The following INPP4A variants were observed in gnomAD, a reference collection of about 807,000 sequenced individuals.
INPP4A encodes inositol polyphosphate-4-phosphatase type I A.
In INPP4A, 33 loss-of-function variants were observed where a neutral mutation model predicts 119.8. The observed-to-expected ratio is 0.28, with a 90% confidence interval of 0.21 to 0.37. The LOEUF (loss-of-function observed/expected upper bound fraction) is 0.37, where lower values mean the gene tolerates loss of function less well. Among genes scored for constraint, INPP4A ranks in the 10% least tolerant of loss-of-function variants. The pLI is 1.00. For synonymous variants in INPP4A, 496 were observed against 500.7 expected, an observed-to-expected ratio of 0.99 and a Z score of 0.12; for missense variants, 956 against 1,289.9, an observed-to-expected ratio of 0.74 and a Z score of 3.97.
intron 24 of INPP4A, 25 bp downstream of exon 24, chr2:98,577,168 G>C: frequency 6.5e-7 from 1 of 1,550,344 alleles, no homozygotes; most frequent in Non-Finnish European, 8.7e-7. Flanking sequence ...CAGGCCGCGC[G>C]CCCCGCCTGC....
chr2:98,452,841 C>T (rs1695466129), intron 1 of INPP4A, among the ~76,000 whole-genome samples: 2 of 152,178 alleles, frequency 1.3e-5, no homozygotes, highest in African/African-American at 4.8e-5. Flanking sequence ...GCTGAAGAGT[C>T]CCAAAGAGCT....
chr2:98,445,852 G>A (rs1694095055), intron 1 of INPP4A, among the ~76,000 whole-genome samples: 1 of 152,246 alleles, frequency 6.6e-6, no homozygotes, highest in Non-Finnish European at 1.5e-5. Flanking sequence ...CTCTGGGTAA[G>A]AAAGACCTAT....
In INPP4A at chr2:98,566,065, G is replaced by C. The variant is rs778102364; in HGVS notation, c.2316G>C (p.Pro772=). The part of the protein sequence containing the change: ...GFNVRVPLPG[P]LFDALPREIQ... ...ACGTGCGGGTCCCTCTGCCGGGCCCGCTGTTTGACGCCTTGCCCCGGGAGA... is the reference window on the plus strand; with the variant it reads ...ACGTGCGGGTCCCTCTGCCGGGCCCCCTGTTTGACGCCTTGCCCCGGGAGA... The change falls in exon 21 of 25, where the codon CCG becomes CCC. Residue 772 remains proline (P), a synonymous_variant. Coordinates refer to ENST00000409851, the MANE Select transcript of INPP4A (RefSeq NM_001134225.2). This position sits in a 1 kb window ranked among gnomAD's most constrained non-coding sequence, Gnocchi z 4.2. The C allele has an allele frequency of 2.5e-6, 4 of 1,603,402 alleles. No homozygotes were observed. Among genetic ancestry groups the C allele is most frequent in the Non-Finnish European group, 3.4e-6 (4 of 1,175,440 alleles).
chr2:98,548,370 G>C (rs1001492839), intron 13 of INPP4A, among the ~76,000 whole-genome samples: 6 of 152,020 alleles, frequency 3.9e-5, no homozygotes, highest in Non-Finnish European at 8.8e-5. Context: ...GGAAGAAGAC[G>C]CAGCTTCCTG....
chr2:98,571,503 G>C (rs1391063540), intron 22 of INPP4A, among the ~76,000 whole-genome samples: 1 of 152,250 alleles, frequency 6.6e-6, no homozygotes, highest in Non-Finnish European at 1.5e-5. Context: ...AGGGCAGGCA[G>C]TCTCCAGGGC....
chr2:98,459,812 A>G (rs980050491), intron 1 of INPP4A, among the ~76,000 whole-genome samples: 7 of 152,250 alleles, frequency 4.6e-5, no homozygotes, highest in Non-Finnish European at 7.3e-5. Context: ...AAGTAGCAAG[A>G]AAAGCCTCAG....
chr2:98,555,816 T>C lies in INPP4A; in HGVS notation c.1822+8T>C, dbSNP rs370169022. 6.5e-7 allele frequency: 1 copy of C among 1,545,494 alleles called. No individual in the cohort carries two copies. Among genetic ancestry groups the C allele is most frequent in the South Asian group, 1.2e-5 (1 of 84,028 alleles). ...ATCCTCATCTGACCACACGTGCGTA[T>C]GCATCCATGCTTCCCATATGCTGCC... is the stretch of plus-strand genomic sequence containing the variant. On this transcript the variant is annotated splice_region_variant and intron_variant, in intron 16 of 24. Coordinates refer to ENST00000409851, the MANE Select transcript of INPP4A (RefSeq NM_001134225.2).
chr2:98,532,170 C>G (rs1689357916), intron 4 of INPP4A, among the ~76,000 whole-genome samples: 1 of 152,118 alleles, frequency 6.6e-6, no homozygotes, highest in South Asian at 2.1e-4. Flanking sequence ...CAAAACATGC[C>G]AAGGTATTGC....
intron 1 of INPP4A, among the ~76,000 whole-genome samples, chr2:98,452,637 C>T (rs553217292): frequency 6.6e-6 from 1 of 152,306 alleles, no homozygotes; most frequent in African/African-American, 2.4e-5. Flanking sequence ...CTCCGGAGTC[C>T]TTCCCCTGCC....
intron 13 of INPP4A, among the ~76,000 whole-genome samples, chr2:98,551,859 T>G (rs1309516016): frequency 6.6e-6 from 1 of 152,240 alleles, no homozygotes; most frequent in African/African-American, 2.4e-5. Context: ...TCAGATGGTC[T>G]GAAAAATAAA....
At chr2:98,483,641 T>C (rs1383488170) in intron 1 of INPP4A, among the ~76,000 whole-genome samples, 2 of 152,198 alleles carry the variant, frequency 1.3e-5, no homozygotes, top group African/African-American at 4.8e-5. Context: ...GTCCCTGTGG[T>C]CCATGCCTCA....
rs551197275 is a variant in INPP4A at position 98,511,453 on chromosome 2, A to G, written c.-165-7511A>G. Reference sequence around the variant, plus strand: ...TAAGTGTCCTTTGAGTCAGAGCTTTACTCACAGTGACCCTCTCCTGCCCTG... The same window carrying G: ...TAAGTGTCCTTTGAGTCAGAGCTTTGCTCACAGTGACCCTCTCCTGCCCTG... On this transcript the variant is annotated intron_variant, in intron 1 of 24. Transcript: ENST00000409851. Among the ~76,000 whole-genome samples the G allele has an allele frequency of 1.3e-4, 20 of 152,216 alleles. 1 individual carries two copies. Among genetic ancestry groups the G allele is most frequent in the Admixed American group, 1.2e-3 (19 of 15,292 alleles).
At chr2:98,565,788 C>G (rs1315123911) in intron 20 of INPP4A, 22 bp downstream of exon 20, 1 of 1,606,150 alleles carries the variant, frequency 6.2e-7, no homozygotes, top group East Asian at 2.2e-5. Context: ...GTTTAAAATT[C>G]TCTGAGCCAG....
rs1253335546 is a variant in INPP4A at position 98,566,135 on chromosome 2, G to A, written c.2386G>A (p.Val796Met). The A allele has an allele frequency of 5.6e-6, 9 of 1,598,122 alleles. No individual in the cohort carries two copies. Among genetic ancestry groups the A allele is most frequent in the Non-Finnish European group, 7.7e-6 (9 of 1,171,904 alleles). Residue 796 changes from valine to methionine, a missense_variant, in exon 21 of 25, where the codon GTG (valine) becomes ATG (methionine). Around this residue, in one of 2 missense-constraint regions of INPP4A, gnomAD observed 304 missense variants for 492.1 expected, o/e 0.62. Transcript: ENST00000409851. This position sits in a 1 kb window ranked among gnomAD's most constrained non-coding sequence, Gnocchi z 4.2. Reference protein sequence around the residue: ...LLRVQPVLFNVGINEQQTLAE... With the variant: ...LLRVQPVLFNMGINEQQTLAE... ...GCGAGTGCAGCCCGTCCTCTTCAACGTGGGCATCAATGAGCAGCAGACACT... is the reference window on the plus strand; with the variant it reads ...GCGAGTGCAGCCCGTCCTCTTCAACATGGGCATCAATGAGCAGCAGACACT...
At chr2:98,461,474 G>A (rs1394106751) in intron 1 of INPP4A, among the ~76,000 whole-genome samples, 2 of 152,246 alleles carry the variant, frequency 1.3e-5, no homozygotes, top group African/African-American at 4.8e-5. Context: ...GTGCACTAAT[G>A]TCTCTTGGAG....
intron 1 of INPP4A, among the ~76,000 whole-genome samples, chr2:98,495,308 G>T (rs1002048229): frequency 5.9e-5 from 9 of 152,174 alleles, no homozygotes; most frequent in Admixed American, 1.3e-4. Context: ...ACTGGTCTAC[G>T]TGTCTATTTT....
Position 98,546,670 on chromosome 2 carries a change from A to C in INPP4A, c.1139A>C (p.His380Pro). The C allele has an allele frequency of 6.2e-7, 1 of 1,612,574 alleles. No homozygotes were observed. The highest frequency in any genetic ancestry group is 1.3e-5 in the African/African-American group (1 of 75,038). The change falls in exon 13 of 25, where the codon CAC becomes CCC. Residue 380 changes from histidine to proline, a missense_variant. His to Pro is a moderately conservative substitution (Grantham distance 77, BLOSUM62 -2). Around this residue, in one of 2 missense-constraint regions of INPP4A, gnomAD observed 652 missense variants for 797.9 expected, o/e 0.82. Transcript: ENST00000409851. The surrounding 1 kb of genome is among the most constrained non-coding windows in gnomAD (Gnocchi z 4.2). ...TCAGGAGGTCTCCGCAAAAAGCTGC[A>C]CAAATTTGAAGAGACCAAGAAACAG... ...FKSGGLRKKLHKFEETKKHTS... is the reference protein window; with the variant it reads ...FKSGGLRKKLPKFEETKKHTS...
chr2:98,579,546 G>A (rs945454345), intron 24 of INPP4A, among the ~76,000 whole-genome samples: 1 of 152,254 alleles, frequency 6.6e-6, no homozygotes, highest in Admixed American at 6.5e-5. Flanking sequence ...GGTCCCCACA[G>A]TAGCCACTCT....
intron 13 of INPP4A, chr2:98,549,106 C>T (rs1693018036): frequency 1.4e-6 from 1 of 689,982 alleles, no homozygotes; most frequent in African/African-American, 1.9e-5. Flanking sequence ...ACCTCATAAA[C>T]AGTCCTCCCT....
Sources: allele counts gnomAD v4.1 joint callset (sites outside exome capture counted in the v4.1 genomes callset), GRCh38; gene constraint gnomAD v4.1.1; regional missense constraint gnomAD v4.1.1; non-coding constraint Gnocchi (gnomAD v3.1); transcripts MANE v1.5; gene names NCBI Gene and HGNC (gene_info 2026-07-23, HGNC 2026-07-21).